Variants in ZNF385D observed in about 807,000 individuals in gnomAD.
ZNF385D encodes zinc finger protein 659.
A neutral mutation model predicts 35.8 loss-of-function variants in ZNF385D; 15 were observed. The ratio of observed to expected loss-of-function variants is 0.42; its 90% CI spans 0.28 to 0.64. ZNF385D has a LOEUF of 0.64. Among genes scored for constraint, ZNF385D ranks in the 30% least tolerant of loss-of-function variants. The pLI is 0.23. For missense variants in ZNF385D, 474 were observed against 494.6 expected (o/e 0.96, Z 0.39); for synonymous variants, 212 against 186.8 (o/e 1.13, Z -1.10).
At chr3:22,196,021 C>T (rs903029802) in intron 2 of ZNF385D, among the ~76,000 whole-genome samples, 3 of 151,626 alleles carry the variant, frequency 2.0e-5, no homozygotes, top group Non-Finnish European at 4.4e-5. Flanking sequence ...GGGGTCTTTT[C>T]GAGGGTGGAG....
At chr3:21,543,464 C>T (rs1000168317) in intron 3 of ZNF385D, among the ~76,000 whole-genome samples, 1 of 152,148 alleles carries the variant, frequency 6.6e-6, no homozygotes, top group African/African-American at 2.4e-5. Context: ...CAGCAGTTCC[C>T]AGCCGCTCCC....
intron 3 of ZNF385D, among the ~76,000 whole-genome samples, chr3:22,028,664 G>T (rs1697718842): frequency 6.6e-6 from 1 of 152,134 alleles, no homozygotes; most frequent in Admixed American, 6.5e-5. Flanking sequence ...TGGACTTATG[G>T]GATGCCTTAT....
At chr3:21,773,980 T>C (rs1445038858) in intron 3 of ZNF385D, among the ~76,000 whole-genome samples, 1 of 152,042 alleles carries the variant, frequency 6.6e-6, no homozygotes, top group Non-Finnish European at 1.5e-5. Flanking sequence ...ATATGTTCAT[T>C]GCAGCACTAT....
intron 2 of ZNF385D, among the ~76,000 whole-genome samples, chr3:22,232,803 C>T (rs1267658002): frequency 1.3e-5 from 2 of 152,104 alleles, no homozygotes; most frequent in African/African-American, 2.4e-5. Context: ...CTTCACTTTC[C>T]TACAAGGAAA....
At chr3:21,636,393 TATATATATATATATATATATA>T (rs985872744) in intron 2 of ZNF385D, among the ~76,000 whole-genome samples, 12 of 37,794 alleles carry the variant, frequency 3.2e-4, no homozygotes, top group East Asian at 4.7e-4. Context: ...TATATATATA[TATATATATATATATATATATA>T]GAGTTTCTTA....
intron 3 of ZNF385D, among the ~76,000 whole-genome samples, chr3:22,067,279 T>C (rs1020684686): frequency 2.0e-5 from 3 of 152,196 alleles, no homozygotes; most frequent in Non-Finnish European, 4.4e-5. Flanking sequence ...CTCTGTAAAA[T>C]AACATTTGTA....
rs561618667 is a variant in ZNF385D at position 21,553,453 on chromosome 3, AC to A, written c.276+11120del. ...ATGCTATTGCTGAAAAATGCTAACA[AC>A]GTGAACCTTCAGCAAGACATAATGT... is the stretch of plus-strand genomic sequence containing the variant. On this transcript the variant is annotated intron_variant, in intron 3 of 7. Coordinates refer to ENST00000281523, the MANE Select transcript of ZNF385D (RefSeq NM_024697.3). Among the ~76,000 whole-genome samples, 22 of 152,344 alleles carry A rather than the reference AC, an allele frequency of 1.4e-4. No individual in the cohort carries two copies. The East Asian group carries it at 4.2e-3, about 29-fold the overall frequency.
At chr3:22,282,252 CTTTG>C (rs1701787619) in intron 2 of ZNF385D, among the ~76,000 whole-genome samples, 1 of 151,840 alleles carries the variant, frequency 6.6e-6, no homozygotes, top group Non-Finnish European at 1.5e-5. Context: ...CTGCTCTGAT[CTTTG>C]TTATTTCTTT....
chr3:22,188,722 T>C (rs191002649), intron 2 of ZNF385D, among the ~76,000 whole-genome samples: 151 of 152,344 alleles, frequency 9.9e-4, no homozygotes, highest in African/African-American at 3.3e-3. Flanking sequence ...AGTGCTGAGA[T>C]TACAGGCATG....
chr3:22,123,954 CTCTCTCTCTATATATATATA>C (rs1206065731), intron 3 of ZNF385D, among the ~76,000 whole-genome samples: 9 of 93,752 alleles, frequency 9.6e-5, no homozygotes, highest in African/African-American at 3.0e-4. Flanking sequence ...CTCTCTCTCT[CTCTCTCTCTATATATATATA>C]TATATATATA....
chr3:22,071,628 A>T (rs1391482336), intron 3 of ZNF385D, among the ~76,000 whole-genome samples: 1 of 152,188 alleles, frequency 6.6e-6, no homozygotes, highest in Admixed American at 6.6e-5. Flanking sequence ...GGGTAAGCTC[A>T]ACATTTCAAC....
intron 2 of ZNF385D, among the ~76,000 whole-genome samples, chr3:22,268,745 A>T (rs996610165): frequency 2.0e-5 from 3 of 152,040 alleles, no homozygotes; most frequent in Non-Finnish European, 4.4e-5. Flanking sequence ...AAATGAAAGT[A>T]TGCATGTAAG....
intron 3 of ZNF385D, among the ~76,000 whole-genome samples, chr3:21,897,448 T>C (rs1251986497): frequency 6.6e-6 from 1 of 152,206 alleles, no homozygotes; most frequent in Non-Finnish European, 1.5e-5. Flanking sequence ...CCTTATTTTA[T>C]TTTATGCCCC....
At chr3:22,092,141 CTT>C (rs1701366371) in intron 3 of ZNF385D, among the ~76,000 whole-genome samples, 1 of 152,282 alleles carries the variant, frequency 6.6e-6, no homozygotes, top group Non-Finnish European at 1.5e-5. Context: ...CTAGTCATCA[CTT>C]TATTGTCTCT....
At chr3:21,478,819 CT>C (rs1170616244) in intron 4 of ZNF385D, among the ~76,000 whole-genome samples, 1 of 152,116 alleles carries the variant, frequency 6.6e-6, no homozygotes, top group East Asian at 1.9e-4. Flanking sequence ...AGAAAATAGA[CT>C]TAAAGGACAG....
At position 22,103,912 on chromosome 3, in the gene ZNF385D, C is replaced by T. The variant is rs184102999; in HGVS notation, c.325+64905G>A. Reference sequence around the variant, plus strand: ...TAACATGACTAATTGAATTATATGGCTTTAAATTTTTATTTAAATTTAATA... The same window carrying T: ...TAACATGACTAATTGAATTATATGGTTTTAAATTTTTATTTAAATTTAATA... On this transcript the variant is annotated intron_variant, in intron 3 of 5. Coordinates refer to the ZNF385D transcript ENST00000494108. 2.6e-3 allele frequency among the ~76,000 whole-genome samples: 401 copies of T among 152,018 alleles called. 11 individuals carry two copies. Among genetic ancestry groups the T allele is most frequent in the Admixed American group, 0.024 (367 of 15,234 alleles).
At chr3:21,977,506 T>A (rs1703706333) in intron 3 of ZNF385D, among the ~76,000 whole-genome samples, 1 of 152,022 alleles carries the variant, frequency 6.6e-6, no homozygotes, top group African/African-American at 2.4e-5. Context: ...GTGGGAACTG[T>A]GTTTGCAGGT....
chr3:21,972,970 T>C (rs772221988), intron 3 of ZNF385D, among the ~76,000 whole-genome samples: 3 of 151,946 alleles, frequency 2.0e-5, no homozygotes, highest in Non-Finnish European at 4.4e-5. Context: ...AGCGGCTTCA[T>C]TGCTGAATTT....
rs901645680 is a variant in ZNF385D at position 22,081,761 on chromosome 3, C to T, written c.325+87056G>A. On this transcript the variant is annotated intron_variant, in intron 3 of 5. Coordinates refer to the ZNF385D transcript ENST00000494108. ...TGACAAAGACTCTATTGCCCCAAAA[C>T]GCTAAAATATTGATTCTCTGGTCAT... is the stretch of plus-strand genomic sequence containing the variant. 7.2e-5 allele frequency among the ~76,000 whole-genome samples: 11 copies of T among 152,076 alleles called. No individual in the cohort carries two copies. The South Asian group carries it at 8.3e-4, about 11-fold the overall frequency.
Sources: allele counts gnomAD v4.1 joint callset (sites outside exome capture counted in the v4.1 genomes callset), GRCh38; gene constraint gnomAD v4.1.1; transcripts MANE v1.5; gene names NCBI Gene and HGNC (gene_info 2026-07-23, HGNC 2026-07-21).